TENM2: variants seen among roughly 807,000 people sequenced by gnomAD.
TENM2 encodes the protein teneurin-2.
Under a neutral mutation model 245.2 loss-of-function variants are expected in TENM2, and 52 were observed. That is an observed-to-expected ratio of 0.21 (90% CI 0.17 to 0.27). The LOEUF (loss-of-function observed/expected upper bound fraction) is 0.27. Among genes scored for constraint, TENM2 ranks in the 10% least tolerant of loss-of-function variants. TENM2 has a pLI of 1.00. For synonymous variants in TENM2, 1,363 were observed against 1,438.9 expected (o/e 0.95, Z 1.19); for missense variants, 3,046 against 3,666.8 (o/e 0.83, Z 4.37).
At chr5:168,094,631 C>T (rs1793209506) in intron 8 of TENM2, among the ~76,000 whole-genome samples, 1 of 151,662 alleles carries the variant, frequency 6.6e-6, no homozygotes, top group Non-Finnish European at 1.5e-5. Context: ...CAGTGGAAGC[C>T]CTCAGCTTGT....
intron 1 of TENM2, among the ~76,000 whole-genome samples, chr5:167,358,293 C>T (rs572167075): frequency 6.6e-6 from 1 of 152,300 alleles, no homozygotes; most frequent in African/African-American, 2.4e-5. Context: ...GCCAAGGTCA[C>T]CAATGATTAC....
the TENM2 span, among the ~76,000 whole-genome samples, chr5:167,109,592 T>C: frequency 6.6e-6 from 1 of 152,128 alleles, no homozygotes; most frequent in Non-Finnish European, 1.5e-5. Flanking sequence ...TCTTTGGTTT[T>C]TCAGTGCTAT....
intron 6 of TENM2, among the ~76,000 whole-genome samples, chr5:168,057,814 G>T (rs1789681714): frequency 6.6e-6 from 1 of 152,080 alleles, no homozygotes; most frequent in Admixed American, 6.6e-5. Flanking sequence ...ATAAAATTCA[G>T]TTTACATGTT....
At chr5:167,817,372 TTATC>T in intron 2 of TENM2, among the ~76,000 whole-genome samples, 1 of 152,288 alleles carries the variant, frequency 6.6e-6, no homozygotes, top group Non-Finnish European at 1.5e-5. Flanking sequence ...AAGGGTGCAA[TTATC>T]TATTTAACTA....
intron 2 of TENM2, among the ~76,000 whole-genome samples, chr5:167,394,071 G>A (rs62388805): frequency 0.33 from 49,404 of 151,952 alleles, 8,377 homozygotes; most frequent in African/African-American, 0.44. Context: ...CTCTCATTCC[G>A]TAGATTGCAT....
chr5:167,291,335 T>C (rs1754623877), intron 1 of TENM2, among the ~76,000 whole-genome samples: 1 of 152,238 alleles, frequency 6.6e-6, no homozygotes, highest in South Asian at 2.1e-4. Context: ...TTAGCTTACT[T>C]GAAAGGGTAA....
At chr5:168,141,480 C>A (rs1755542625) in intron 12 of TENM2, among the ~76,000 whole-genome samples, 1 of 152,172 alleles carries the variant, frequency 6.6e-6, no homozygotes. Context: ...CCCATCTGAT[C>A]CCACAAATCA....
At chr5:168,087,280 A>G (rs1792536403) in intron 7 of TENM2, 1 of 152,234 alleles carries the variant, frequency 6.6e-6, no homozygotes, top group Non-Finnish European at 1.5e-5. Context: ...AGATGCTACC[A>G]TCTTTTCCTG....
At chr5:167,641,329 G>A (rs1779602205) in intron 2 of TENM2, among the ~76,000 whole-genome samples, 1 of 152,030 alleles carries the variant, frequency 6.6e-6, no homozygotes, top group Non-Finnish European at 1.5e-5. Context: ...TAATGAGATG[G>A]GAGACCAATA....
chr5:167,010,250 G>T, the TENM2 span, among the ~76,000 whole-genome samples: 31 of 152,190 alleles, frequency 2.0e-4, no homozygotes, highest in Non-Finnish European at 4.0e-4. Context: ...GGGCATGGTG[G>T]TGCATGCCTG....
chr5:168,037,486 T>A (rs1562082675), intron 5 of TENM2, among the ~76,000 whole-genome samples: 1 of 151,528 alleles, frequency 6.6e-6, no homozygotes, highest in Non-Finnish European at 1.5e-5. Flanking sequence ...AGAAGATATT[T>A]GTCATAGAAA....
the TENM2 span, among the ~76,000 whole-genome samples, chr5:167,190,768 T>C: frequency 6.6e-6 from 1 of 152,206 alleles, no homozygotes; most frequent in Non-Finnish European, 1.5e-5. Context: ...AGGGGGCCCA[T>C]TTCACCAATT....
intron 2 of TENM2, among the ~76,000 whole-genome samples, chr5:167,683,273 A>C (rs1756861695): frequency 7.2e-6 from 1 of 139,602 alleles, no homozygotes; most frequent in African/African-American, 2.9e-5. Flanking sequence ...CCCCCTGGGC[A>C]TCAGAAATAA....
intron 1 of TENM2, among the ~76,000 whole-genome samples, chr5:167,366,814 T>A (rs1422529): frequency 6.6e-6 from 1 of 152,068 alleles, no homozygotes; most frequent in Non-Finnish European, 1.5e-5. Flanking sequence ...AAATTGTTTA[T>A]GGAGGAAGAG....
intron 2 of TENM2, among the ~76,000 whole-genome samples, chr5:167,861,052 T>TAA (rs397999860): frequency 7.5e-6 from 1 of 133,488 alleles, no homozygotes; most frequent in Non-Finnish European, 1.6e-5. Context: ...AAAAAAAAAT[T>TAA]AAAAAAAAAA....
intron 5 of TENM2, among the ~76,000 whole-genome samples, chr5:168,025,618 T>C (rs897283160): frequency 1.1e-4 from 17 of 152,248 alleles, no homozygotes. Flanking sequence ...TAGGGTTTCC[T>C]TCCATGTTCT....
chr5:167,371,615 C>T (rs1760444064), intron 1 of TENM2, among the ~76,000 whole-genome samples: 1 of 152,088 alleles, frequency 6.6e-6, no homozygotes, highest in East Asian at 1.9e-4. Flanking sequence ...CCTGCCTCGG[C>T]CTCCCAAAGT....
At chr5:167,513,636 AACTGAAC>A (rs1283403778) in intron 2 of TENM2, among the ~76,000 whole-genome samples, 5 of 152,166 alleles carry the variant, frequency 3.3e-5, no homozygotes, top group Non-Finnish European at 7.4e-5. Flanking sequence ...TGACAGGATG[AACTGAAC>A]ACACATATTA....
At chr5:168,034,188 C>A (rs987858554) in intron 5 of TENM2, among the ~76,000 whole-genome samples, 33 of 136,842 alleles carry the variant, frequency 2.4e-4, no homozygotes, top group South Asian at 5.0e-4. Flanking sequence ...CACACACACA[C>A]AAAAATTAAT....
Sources: gnomAD v4.1 joint callset for allele counts (sites outside exome capture counted in the v4.1 genomes callset) on GRCh38, gnomAD v4.1.1 for gene constraint, MANE v1.5 for transcripts, NCBI Gene and HGNC (gene_info 2026-07-23, HGNC 2026-07-21) for gene names.